Variants in UNC5B observed in about 807,000 individuals in gnomAD.
UNC5B encodes netrin receptor UNC5B.
UNC5B carries 56 observed loss-of-function variants against 103.7 expected under a neutral mutation model. The observed-to-expected ratio is 0.54, with a 90% CI of 0.44 to 0.67. The LOEUF (loss-of-function observed/expected upper bound fraction) is 0.67. Among genes scored for constraint, UNC5B ranks in the 30% least tolerant of loss-of-function variants. The pLI is 0.00. For missense variants in UNC5B, 1,194 were observed against 1,284.5 expected, an observed-to-expected ratio of 0.93 and a Z score of 1.08; for synonymous variants, 577 against 542.0, an observed-to-expected ratio of 1.06 and a Z score of -0.90.
chr10:71,241,922 G>A (rs1843910530), intron 1 of UNC5B, among the ~76,000 whole-genome samples: 1 of 152,088 alleles, frequency 6.6e-6, no homozygotes, highest in Non-Finnish European at 1.5e-5. Context: ...ATTACAGCCT[G>A]GAGGGAATGT....
intron 7 of UNC5B, 31 bp downstream of exon 7, chr10:71,288,763 G>A (rs1845162288): frequency 2.5e-6 from 4 of 1,580,170 alleles, no homozygotes; most frequent in Non-Finnish European, 3.4e-6. Flanking sequence ...GGCCCTGGGG[G>A]TGGGGACTCT....
At chr10:71,225,183 A>G (rs1377251374) in intron 1 of UNC5B, among the ~76,000 whole-genome samples, 1 of 152,236 alleles carries the variant, frequency 6.6e-6, no homozygotes, top group African/African-American at 2.4e-5. Context: ...CCCATCAGCA[A>G]AAGGAACAAA....
chr10:71,294,763 AGGGAGGGAAG>A (rs764985987), intron 13 of UNC5B, among the ~76,000 whole-genome samples: 14 of 149,954 alleles, frequency 9.3e-5, no homozygotes, highest in Non-Finnish European at 1.9e-4. Context: ...TTGGGACAGG[AGGGAGGGAAG>A]GGGAGGGAAG....
chr10:71,224,375 A>G (rs866573269), intron 1 of UNC5B, among the ~76,000 whole-genome samples: 10,527 of 141,028 alleles, frequency 0.075, 867 homozygotes, highest in East Asian at 0.32. Context: ...ACACACACAC[A>G]CACACACACA....
intron 1 of UNC5B, among the ~76,000 whole-genome samples, chr10:71,266,581 C>T (rs1844529027): frequency 6.6e-6 from 1 of 152,208 alleles, no homozygotes; most frequent in Non-Finnish European, 1.5e-5. Context: ...GTTTCATTCC[C>T]TCCTTCTAGC....
chr10:71,244,450 GTT>G (rs1337955854), intron 1 of UNC5B, among the ~76,000 whole-genome samples: 2 of 152,234 alleles, frequency 1.3e-5, no homozygotes, highest in African/African-American at 4.8e-5. Context: ...GTAAATATCA[GTT>G]GGGTGAATGG....
In UNC5B at chr10:71,212,844, C is replaced by A. The variant is rs1291014431; in HGVS notation, c.-142C>A. Reference sequence around the variant, plus strand: ...CTCCGCGCAGCGTGGCTTCCGCTGCCCCCACGGAAGGCACGGGCTGGCGCT... The same window carrying A: ...CTCCGCGCAGCGTGGCTTCCGCTGCACCCACGGAAGGCACGGGCTGGCGCT... On this transcript the variant is annotated 5_prime_UTR_variant, in exon 1 of 17. Transcript: ENST00000335350. 5.0e-6 allele frequency: 3 copies of A among 605,822 alleles called. No homozygotes were observed. The highest frequency in any genetic ancestry group is 7.1e-6 in the Non-Finnish European group (3 of 419,934). 37.5% of individuals were successfully genotyped at this position (605,822 alleles called of 1,614,324 possible). A position where few individuals can be genotyped will look rare whatever the true frequency, so the allele number is the denominator to read the frequency against.
rs533739520 is a variant in UNC5B at position 71,274,896 on chromosome 10, C to G, written c.80-4925C>G. 2.6e-5 allele frequency among the ~76,000 whole-genome samples: 4 copies of G among 152,290 alleles called. No homozygotes were observed. The South Asian group carries it at 8.3e-4, about 32-fold the overall frequency. The stretch of plus-strand genomic sequence containing the variant: ...TGCTTTCTGAAGAAAAAAATTTACT[C>G]AACAGGACATTTTCACACATGAACA... On this transcript the variant is annotated intron_variant, in intron 1 of 16. Transcript: ENST00000335350.
intron 1 of UNC5B, among the ~76,000 whole-genome samples, chr10:71,242,095 C>A (rs1379813546): frequency 1.3e-5 from 2 of 152,158 alleles, no homozygotes; most frequent in East Asian, 3.9e-4. Context: ...CTAGGCCAAC[C>A]CCAGCCCCCT....
chr10:71,267,712 T>C (rs1209065761), intron 1 of UNC5B, among the ~76,000 whole-genome samples: 1 of 152,212 alleles, frequency 6.6e-6, no homozygotes, highest in Non-Finnish European at 1.5e-5. Context: ...GAGTGAGTGC[T>C]TGCTCACCAT....
intron 2 of UNC5B, among the ~76,000 whole-genome samples, chr10:71,281,968 G>A (rs11598917): frequency 0.24 from 36,397 of 152,154 alleles, 5,332 homozygotes; most frequent in African/African-American, 0.41. Flanking sequence ...GTCAGCCATC[G>A]GGGTCCAGGC....
At chr10:71,277,049 C>T (rs1030844798) in intron 1 of UNC5B, among the ~76,000 whole-genome samples, 1 of 152,212 alleles carries the variant, frequency 6.6e-6, no homozygotes, top group Non-Finnish European at 1.5e-5. Flanking sequence ...GTGGGGCTGC[C>T]AGACGCAGGG....
At chr10:71,226,020 A>G (rs996057081) in intron 1 of UNC5B, among the ~76,000 whole-genome samples, 1 of 152,130 alleles carries the variant, frequency 6.6e-6, no homozygotes, top group Non-Finnish European at 1.5e-5. Context: ...TCCTACAGAG[A>G]TATTATCTTT....
chr10:71,222,811 A>T (rs192667189), intron 1 of UNC5B, among the ~76,000 whole-genome samples: 37 of 152,334 alleles, frequency 2.4e-4, no homozygotes, highest in Non-Finnish European at 4.7e-4. Flanking sequence ...TGGAGGCATT[A>T]CTGCCTTCAG....
At chr10:71,253,271 C>G in intron 1 of UNC5B, among the ~76,000 whole-genome samples, 1 of 152,226 alleles carries the variant, frequency 6.6e-6, no homozygotes, top group East Asian at 1.9e-4. Flanking sequence ...GCCACCACCT[C>G]CTTTCCCCGT....
intron 1 of UNC5B, chr10:71,217,552 G>T (rs1203330878): frequency 2.6e-5 from 4 of 152,232 alleles, no homozygotes; most frequent in African/African-American, 4.8e-5. Flanking sequence ...CGCCTCAGCC[G>T]CTGCGCCCCC....
chr10:71,235,573 C>G (rs544982771), intron 1 of UNC5B, among the ~76,000 whole-genome samples: 1 of 152,338 alleles, frequency 6.6e-6, no homozygotes, highest in African/African-American at 2.4e-5. Flanking sequence ...GCCAGCCAGA[C>G]GGCCACATCC....
chr10:71,299,226 G>A lies in UNC5B; in HGVS notation c.2787G>A (p.Glu929=), dbSNP rs139967569. ...DLNSLASALE[E]MGKSEMLVAV... ...ACAGCCTGGCGAGTGCCTTGGAGGA[G>A]ATGGGCAAGAGTGAGATGCTGGTGG... Residue 929 remains glutamate (E), a synonymous_variant, in exon 17 of 17, where the codon GAG becomes GAA. Coordinates refer to ENST00000335350, the MANE Select transcript of UNC5B (RefSeq NM_170744.5). 1.1e-4 allele frequency: 173 copies of A among 1,614,142 alleles called. No homozygotes were observed. In the African/African-American group the frequency reaches 2.1e-3, roughly 20 times the overall value.
At chr10:71,239,052 A>G (rs116877856) in intron 1 of UNC5B, among the ~76,000 whole-genome samples, 3,221 of 152,130 alleles carry the variant, frequency 0.021, 48 homozygotes, top group Non-Finnish European at 0.034. Context: ...CTGTCCTGGG[A>G]TGGTGGAAGA....
Sources: gnomAD v4.1 joint callset for allele counts (sites outside exome capture counted in the v4.1 genomes callset) on GRCh38, gnomAD v4.1.1 for gene constraint, MANE v1.5 for transcripts, NCBI Gene and HGNC (gene_info 2026-07-23, HGNC 2026-07-21) for gene names.